Variants in PHACTR3 observed in about 807,000 individuals in gnomAD.
The protein encoded by PHACTR3 is protein phosphatase 1, regulatory subunit 123.
PHACTR3 carries 16 observed loss-of-function variants against 66.8 expected under a neutral mutation model. The ratio of observed to expected loss-of-function variants is 0.24; its 90% CI spans 0.16 to 0.36. The LOEUF (loss-of-function observed/expected upper bound fraction) is 0.36, where lower values mean the gene tolerates loss of function less well. PHACTR3 is among the 10% of genes least tolerant of loss of function. The probability of loss-of-function intolerance (pLI) is 1.00; values close to 1 mark genes in which losing one functional copy is unlikely to be tolerated. For missense variants in PHACTR3, 647 were observed against 719.9 expected (o/e 0.90, Z 1.16); for synonymous variants, 323 against 292.1 (o/e 1.11, Z -1.08).
chr20:59,724,834 GA>G (rs1488873168), intron 1 of PHACTR3, among the ~76,000 whole-genome samples: 2 of 152,238 alleles, frequency 1.3e-5, no homozygotes, highest in East Asian at 3.8e-4. Flanking sequence ...TGATGTCTGT[GA>G]ACCCTGGTGG....
Position 59,604,733 on chromosome 20 carries a change from A to G in PHACTR3, c.-282A>G. On this transcript the variant is annotated 5_prime_UTR_variant, in exon 1 of 13. Transcript: ENST00000371015. Reference sequence around the variant, plus strand: ...TTTTTTTTTTTTCCCTGGAATATAGACTGAAGAATGGGAATAAACACGAAT... The same window carrying G: ...TTTTTTTTTTTTCCCTGGAATATAGGCTGAAGAATGGGAATAAACACGAAT... 9.2e-7 allele frequency: 1 copy of G among 1,088,320 alleles called. No individual in the cohort carries two copies. Among genetic ancestry groups the G allele is most frequent in the East Asian group, 5.6e-5 (1 of 17,876 alleles). The allele number at this position is 1,088,320 out of a possible 1,614,324, so 67.4% of individuals were successfully genotyped here.
chr20:59,632,389 G>A (rs899862578), intron 1 of PHACTR3, among the ~76,000 whole-genome samples: 1 of 152,136 alleles, frequency 6.6e-6, no homozygotes, highest in Non-Finnish European at 1.5e-5. Flanking sequence ...CAGGCTTCAC[G>A]AATGAGAATC....
At chr20:59,665,471 A>T (rs2035952044) in intron 1 of PHACTR3, among the ~76,000 whole-genome samples, 1 of 152,170 alleles carries the variant, frequency 6.6e-6, no homozygotes, top group African/African-American at 2.4e-5. Context: ...GGTCCTTAGC[A>T]CCTTGCTCAA....
intron 3 of PHACTR3, among the ~76,000 whole-genome samples, chr20:59,749,560 C>T (rs376730367): frequency 5.3e-5 from 8 of 152,260 alleles, no homozygotes; most frequent in East Asian, 1.9e-4. Context: ...GTGCCTCTGA[C>T]GGCGACATCA....
chr20:59,592,101 T>C (rs1201823749), intron 1 of PHACTR3, among the ~76,000 whole-genome samples: 1 of 152,062 alleles, frequency 6.6e-6, no homozygotes, highest in Non-Finnish European at 1.5e-5. Context: ...ACCTTGATAT[T>C]TCTATTAACA....
At chr20:59,813,638 G>T (rs1286148005) in intron 8 of PHACTR3, among the ~76,000 whole-genome samples, 1 of 152,146 alleles carries the variant, frequency 6.6e-6, no homozygotes, top group Non-Finnish European at 1.5e-5. Flanking sequence ...GGGAGGGTGA[G>T]GGTGTCCCAG....
At chr20:59,627,409 G>A (rs527904876) in intron 1 of PHACTR3, among the ~76,000 whole-genome samples, 15 of 152,216 alleles carry the variant, frequency 9.9e-5, no homozygotes, top group African/African-American at 3.6e-4. Flanking sequence ...GGATCAGATG[G>A]CTGGGATGAG....
At chr20:59,632,973 G>T (rs542328191) in intron 1 of PHACTR3, among the ~76,000 whole-genome samples, 5 of 152,148 alleles carry the variant, frequency 3.3e-5, no homozygotes, top group Non-Finnish European at 2.9e-5. Flanking sequence ...GGCCTGCAGT[G>T]CTCTTGCTTT....
chr20:59,604,626 C>T lies in PHACTR3; in HGVS notation c.-389C>T. The stretch of plus-strand genomic sequence containing the variant: ...GGGTGGGGTGGGGGGAGGGAGCGCC[C>T]CCAGACATTCCAGGACATCACCCCC... On this transcript the variant is annotated 5_prime_UTR_variant, in exon 1 of 13. Transcript: ENST00000371015. 1.0e-6 allele frequency: 1 copy of T among 980,752 alleles called. No individual in the cohort carries two copies. The highest frequency in any genetic ancestry group is 1.2e-6 in the Non-Finnish European group (1 of 824,836). The allele number at this position is 980,752 out of a possible 1,614,324, so 60.8% of individuals were successfully genotyped here.
chr20:59,651,342 G>A (rs553079427), intron 1 of PHACTR3, among the ~76,000 whole-genome samples: 1 of 152,294 alleles, frequency 6.6e-6, no homozygotes, highest in East Asian at 1.9e-4. Flanking sequence ...AGTAAATTAT[G>A]AACTATTGCC....
chr20:59,735,281 T>C (rs549144619), intron 1 of PHACTR3, among the ~76,000 whole-genome samples: 16 of 152,282 alleles, frequency 1.1e-4, no homozygotes, highest in African/African-American at 3.6e-4. Flanking sequence ...TTTACTGCTC[T>C]GTCAAAACTC....
At chr20:59,799,358 T>C (rs572119646) in intron 7 of PHACTR3, among the ~76,000 whole-genome samples, 12 of 152,286 alleles carry the variant, frequency 7.9e-5, no homozygotes, top group Non-Finnish European at 1.6e-4. Flanking sequence ...CTATGAATTA[T>C]TTAGAGAGGG....
At chr20:59,769,364 A>C (rs948302756) in intron 5 of PHACTR3, among the ~76,000 whole-genome samples, 1 of 152,214 alleles carries the variant, frequency 6.6e-6, no homozygotes, top group African/African-American at 2.4e-5. Flanking sequence ...TTAGGCCCTG[A>C]ATCCAATGAC....
intron 1 of PHACTR3, among the ~76,000 whole-genome samples, chr20:59,582,046 A>G (rs2032877268): frequency 6.6e-6 from 1 of 152,214 alleles, no homozygotes; most frequent in African/African-American, 2.4e-5. Context: ...TGTCATGAAT[A>G]CATCCTCCAA....
chr20:59,831,748 C>CG (rs1457762250), intron 8 of PHACTR3, among the ~76,000 whole-genome samples: 6 of 152,200 alleles, frequency 3.9e-5, no homozygotes, highest in African/African-American at 1.4e-4. Context: ...GAAGCCCTGG[C>CG]GGCATCCCTG....
At chr20:59,751,685 CCT>C (rs2039590912) in intron 3 of PHACTR3, among the ~76,000 whole-genome samples, 2 of 152,096 alleles carry the variant, frequency 1.3e-5, no homozygotes, top group Non-Finnish European at 1.5e-5. Flanking sequence ...GACCCCCTCC[CCT>C]CTCGTTCCTG....
upstream of PHACTR3, chr20:59,604,489 A>G (rs939419914): frequency 9.2e-6 from 4 of 435,514 alleles, no homozygotes; most frequent in South Asian, 9.7e-5. Flanking sequence ...CTCGCGCGGC[A>G]TGATGGGAGA....
chr20:59,761,922 A>T (rs2040005201), intron 4 of PHACTR3, among the ~76,000 whole-genome samples: 1 of 152,238 alleles, frequency 6.6e-6, no homozygotes, highest in Non-Finnish European at 1.5e-5. Context: ...AAATGCAGGG[A>T]ACCAGTGTCT....
At chr20:59,765,787 A>T (rs1303340109) in intron 4 of PHACTR3, among the ~76,000 whole-genome samples, 1 of 152,178 alleles carries the variant, frequency 6.6e-6, no homozygotes, top group Non-Finnish European at 1.5e-5. Flanking sequence ...ACCTCCAGAA[A>T]CAGCAGCTGA....
Sources: allele counts gnomAD v4.1 joint callset (sites outside exome capture counted in the v4.1 genomes callset), GRCh38; gene constraint gnomAD v4.1.1; transcripts MANE v1.5; gene names NCBI Gene and HGNC (gene_info 2026-07-23, HGNC 2026-07-21).